ADGRL3: variants seen among roughly 807,000 people sequenced by gnomAD.
The protein encoded by ADGRL3 is adhesion G protein-coupled receptor L3, also known as calcium-independent alpha-latrotoxin receptor 3.
ADGRL3 carries 62 observed loss-of-function variants against 153.5 expected under a neutral mutation model. The ratio of observed to expected loss-of-function variants is 0.40; its 90% CI spans 0.33 to 0.50. The LOEUF (loss-of-function observed/expected upper bound fraction) is 0.50. Among genes scored for constraint, ADGRL3 ranks in the 20% least tolerant of loss-of-function variants. The probability of loss-of-function intolerance (pLI) is 0.47; values close to 1 mark genes in which losing one functional copy is unlikely to be tolerated. For missense variants in ADGRL3, 1,641 were observed against 1,859.4 expected, an observed-to-expected ratio of 0.88 and a Z score of 2.16; for synonymous variants, 710 against 672.5, an observed-to-expected ratio of 1.06 and a Z score of -0.86.
At chr4:61,988,680 T>TA (rs2099094060) in intron 19 of ADGRL3, among the ~76,000 whole-genome samples, 1 of 152,148 alleles carries the variant, frequency 6.6e-6, no homozygotes, top group South Asian at 2.1e-4. Flanking sequence ...ATCACATTGA[T>TA]AGTTTATAGC....
At chr4:61,375,011 G>T (rs1402451555) in intron 1 of ADGRL3, among the ~76,000 whole-genome samples, 1 of 152,020 alleles carries the variant, frequency 6.6e-6, no homozygotes, top group East Asian at 1.9e-4. Flanking sequence ...TAGTAAAACA[G>T]TAAGGATTCT....
intron 1 of ADGRL3, among the ~76,000 whole-genome samples, chr4:61,318,701 G>A (rs1181831529): frequency 2.0e-5 from 3 of 151,824 alleles, no homozygotes; most frequent in Non-Finnish European, 4.4e-5. Context: ...TCAGGGTAAT[G>A]GCTCTGCACC....
At chr4:61,813,636 A>T (rs2097655533) in intron 8 of ADGRL3, among the ~76,000 whole-genome samples, 173 bp from the exon 9 acceptor site, 1 of 152,224 alleles carries the variant, frequency 6.6e-6, no homozygotes, top group Admixed American at 6.5e-5. Flanking sequence ...CACTGCTTTA[A>T]TTGGGTGATG....
intron 4 of ADGRL3, among the ~76,000 whole-genome samples, chr4:61,535,541 A>T (rs1297913014): frequency 6.6e-6 from 1 of 152,108 alleles, no homozygotes; most frequent in African/African-American, 2.4e-5. Context: ...ATCTGGTAGA[A>T]TTCAGGTGTG....
intron 5 of ADGRL3, among the ~76,000 whole-genome samples, chr4:61,605,643 A>G (rs2099029670): frequency 6.6e-6 from 1 of 152,216 alleles, no homozygotes; most frequent in Non-Finnish European, 1.5e-5. Flanking sequence ...CAAACTTAAC[A>G]TATAAGAGAA....
At chr4:61,998,792 G>A (rs58584374) in intron 21 of ADGRL3, among the ~76,000 whole-genome samples, 6,025 of 151,996 alleles carry the variant, frequency 0.04, 417 homozygotes, top group African/African-American at 0.14. Flanking sequence ...GCCCAGGCTG[G>A]TCTCAAACTC....
At chr4:61,890,730 G>A (rs1371223093) in intron 9 of ADGRL3, among the ~76,000 whole-genome samples, 1 of 152,108 alleles carries the variant, frequency 6.6e-6, no homozygotes, top group Non-Finnish European at 1.5e-5. Context: ...GAACTTTGGG[G>A]GACGCATTTA....
intron 9 of ADGRL3, among the ~76,000 whole-genome samples, chr4:61,844,546 C>CAAAAAAA (rs71604517): frequency 3.4e-4 from 6 of 17,546 alleles, no homozygotes; most frequent in African/African-American, 6.3e-4. Context: ...GACTGCATCT[C>CAAAAAAA]AAAAAAAAAA....
intron 13 of ADGRL3, among the ~76,000 whole-genome samples, chr4:61,923,976 A>G (rs2098782603): frequency 6.6e-6 from 1 of 152,112 alleles, no homozygotes; most frequent in Admixed American, 6.6e-5. Context: ...TAGTATGTCC[A>G]CTGCAGCAGA....
At position 61,391,855 on chromosome 4, in the gene ADGRL3, C is replaced by CTTTTTTTT. The variant is rs869176171; in HGVS notation, c.-174+8681_-174+8688dup. Among the ~76,000 whole-genome samples, 20 of 93,638 alleles carry CTTTTTTTT rather than the reference C, an allele frequency of 2.1e-4. 2 individuals carry two copies. The highest frequency in any genetic ancestry group is 2.5e-4 in the African/African-American group (6 of 24,254). The allele number at this position is 93,638 out of a possible 152,430, so 61.4% of individuals were successfully genotyped here. A position where few individuals can be genotyped will look rare whatever the true frequency, so the allele number is the denominator to read the frequency against. On this transcript the variant is annotated intron_variant, in intron 2 of 26. Coordinates refer to ENST00000683033, the MANE Select transcript of ADGRL3 (RefSeq NM_001387552.1). ...AAAATTATCCAAGTGAAAAATGCTA[C>CTTTTTTTT]TTTTTTTTTTTTTTTTTTTTTTGAG...
At chr4:61,609,397 A>T (rs555277873) in intron 5 of ADGRL3, among the ~76,000 whole-genome samples, 1 of 152,290 alleles carries the variant, frequency 6.6e-6, no homozygotes, top group South Asian at 2.1e-4. Flanking sequence ...GACTATTTTA[A>T]AACCTTTATT....
chr4:61,378,261 G>A (rs535398143), intron 1 of ADGRL3, among the ~76,000 whole-genome samples: 1 of 152,030 alleles, frequency 6.6e-6, no homozygotes, highest in East Asian at 1.9e-4. Flanking sequence ...TCCTGAAACA[G>A]TTGTTTTTGG....
chr4:61,381,889 T>C (rs1417254438), intron 1 of ADGRL3, among the ~76,000 whole-genome samples: 3 of 151,980 alleles, frequency 2.0e-5, no homozygotes, highest in East Asian at 1.9e-4. Context: ...ATTGTTCTTG[T>C]GGTACAAAAA....
At chr4:61,979,527 T>A (rs2099060148) in intron 17 of ADGRL3, 36 bp from the exon 18 acceptor site, 1 of 1,588,184 alleles carries the variant, frequency 6.3e-7, no homozygotes, top group African/African-American at 1.3e-5. Context: ...TGGTTATGCA[T>A]AAGCGCAACT....
At chr4:61,336,351 G>A (rs1003290507) in intron 1 of ADGRL3, among the ~76,000 whole-genome samples, 3 of 152,074 alleles carry the variant, frequency 2.0e-5, no homozygotes, top group Admixed American at 6.6e-5. Context: ...GAATGATTTG[G>A]TTGTTATCCA....
chr4:61,999,852 G>A (rs1215511848), intron 21 of ADGRL3, among the ~76,000 whole-genome samples: 1 of 152,124 alleles, frequency 6.6e-6, no homozygotes, highest in Non-Finnish European at 1.5e-5. Flanking sequence ...TTAAAATATA[G>A]TGGTGCAAAA....
chr4:61,663,413 G>T (rs528661318), intron 5 of ADGRL3, among the ~76,000 whole-genome samples: 1 of 152,202 alleles, frequency 6.6e-6, no homozygotes, highest in African/African-American at 2.4e-5. Context: ...CCACAGCCTC[G>T]CTGGGAGCTG....
chr4:61,480,614 C>T (rs1309213023), intron 2 of ADGRL3, among the ~76,000 whole-genome samples: 1 of 151,688 alleles, frequency 6.6e-6, no homozygotes, highest in South Asian at 2.1e-4. Flanking sequence ...GAAACCCTGT[C>T]TCTACTAAAA....
chr4:61,486,897 T>C (rs769023080), intron 2 of ADGRL3, among the ~76,000 whole-genome samples: 4 of 152,160 alleles, frequency 2.6e-5, no homozygotes, highest in Non-Finnish European at 5.9e-5. Context: ...AATACATGCA[T>C]GAGTAAAATG....
Sources: gnomAD v4.1 joint callset for allele counts (sites outside exome capture counted in the v4.1 genomes callset) on GRCh38, gnomAD v4.1.1 for gene constraint, MANE v1.5 for transcripts, NCBI Gene and HGNC (gene_info 2026-07-23, HGNC 2026-07-21) for gene names.